Variants in NREP observed in about 807,000 individuals in gnomAD.
The protein encoded by NREP is neuronal regeneration related protein.
NREP carries 5 observed loss-of-function variants against 8.6 expected under a neutral mutation model. That is an observed-to-expected ratio of 0.58 (90% CI 0.30 to 1.22). NREP has a LOEUF of 1.22. Ranked by LOEUF, NREP falls within the 50% of genes most tolerant of loss-of-function variation. The probability of loss-of-function intolerance (pLI) is 0.07; values close to 1 mark genes in which losing one functional copy is unlikely to be tolerated. For missense variants in NREP, 86 were observed against 82.5 expected, an observed-to-expected ratio of 1.04 and a Z score of -0.17; for synonymous variants, 27 against 28.0, an observed-to-expected ratio of 0.96 and a Z score of 0.11.
At chr5:111,975,389 G>A (rs1343809617) in intron 1 of NREP, 2 of 1,548,514 alleles carry the variant, frequency 1.3e-6, no homozygotes, top group South Asian at 2.4e-5. Flanking sequence ...CTGCAGACAA[G>A]ACACATGGTA....
intron 2 of NREP, among the ~76,000 whole-genome samples, chr5:111,971,629 C>T (rs1422600290): frequency 6.6e-6 from 1 of 152,134 alleles, no homozygotes; most frequent in Non-Finnish European, 1.5e-5. Context: ...GGGGAAAGAA[C>T]AGCCTCTTCA....
chr5:111,917,371 C>T (rs1755092164), intron 2 of NREP, among the ~76,000 whole-genome samples: 2 of 152,226 alleles, frequency 1.3e-5, no homozygotes, highest in South Asian at 2.1e-4. Flanking sequence ...AGGCCAGCAT[C>T]ATCCTGATAC....
intron 2 of NREP, among the ~76,000 whole-genome samples, chr5:111,779,547 C>T (rs73223663): frequency 0.035 from 5,395 of 152,170 alleles, 291 homozygotes; most frequent in African/African-American, 0.12. Flanking sequence ...CTATGAGAAC[C>T]AGGAGGAGAG....
rs142995995 is a variant in NREP at position 111,938,695 on chromosome 5, T to C, written c.135+36579A>G. 6.2e-4 allele frequency among the ~76,000 whole-genome samples: 95 copies of C among 152,110 alleles called. 1 individual carries two copies. The highest frequency in any genetic ancestry group is 2.3e-3 in the African/African-American group (95 of 41,504). On this transcript the variant is annotated intron_variant, in intron 2 of 3. Transcript: ENST00000395634. ...CAACCTCAAAGGCCTATTGTAAACT[T>C]TAAATGCCTTCGTACGTGTAAAGTA... is the stretch of plus-strand genomic sequence containing the variant.
chr5:111,862,609 A>G (rs1753574613), intron 2 of NREP, among the ~76,000 whole-genome samples: 1 of 152,124 alleles, frequency 6.6e-6, no homozygotes, highest in Non-Finnish European at 1.5e-5. Flanking sequence ...AATCTTTTAT[A>G]AATCATAGTC....
At chr5:111,956,983 A>ATAAG (rs1717201480) in intron 2 of NREP, among the ~76,000 whole-genome samples, 1 of 151,340 alleles carries the variant, frequency 6.6e-6, no homozygotes, top group Non-Finnish European at 1.5e-5. Flanking sequence ...AAATAAATAA[A>ATAAG]TAAATAAATA....
chr5:111,755,883 A>G, intron 1 of NREP, 53 bp from the exon 2 acceptor site: 1 of 1,601,546 alleles, frequency 6.2e-7, no homozygotes, highest in East Asian at 2.2e-5. Context: ...CAGGTCAGCA[A>G]ACGAAAAATG....
intron 2 of NREP, among the ~76,000 whole-genome samples, chr5:111,814,263 A>C (rs1456390888): frequency 1.3e-5 from 2 of 152,148 alleles, no homozygotes; most frequent in African/African-American, 4.8e-5. Context: ...ATGCAAAGAG[A>C]GTTAAGTCTC....
At chr5:111,974,244 G>C (rs1367896920) in intron 2 of NREP, 1 of 152,158 alleles carries the variant, frequency 6.6e-6, no homozygotes, top group East Asian at 1.9e-4. Context: ...ATTAATAGAG[G>C]TGGGCTTGCA....
At chr5:111,735,952 A>C (rs1749071951) in intron 2 of NREP, among the ~76,000 whole-genome samples, 1 of 152,228 alleles carries the variant, frequency 6.6e-6, no homozygotes, top group Non-Finnish European at 1.5e-5. Context: ...GCAGCAGCCC[A>C]GATTCTCTCC....
intron 2 of NREP, among the ~76,000 whole-genome samples, chr5:111,869,350 T>G (rs1296972181): frequency 6.6e-6 from 1 of 152,200 alleles, no homozygotes; most frequent in Non-Finnish European, 1.5e-5. Flanking sequence ...TAAGTGTTAT[T>G]TCAAATATAT....
At chr5:111,832,438 G>A (rs1303619538) in intron 2 of NREP, among the ~76,000 whole-genome samples, 1 of 152,158 alleles carries the variant, frequency 6.6e-6, no homozygotes, top group Non-Finnish European at 1.5e-5. Context: ...GTCTGATGAG[G>A]TGGGAGGATT....
chr5:111,939,397 T>G (rs2112613217), intron 2 of NREP, among the ~76,000 whole-genome samples: 1 of 152,152 alleles, frequency 6.6e-6, no homozygotes, highest in Middle Eastern at 3.4e-3. Context: ...TTAAAGATAC[T>G]TTAGAGCAAT....
intron 2 of NREP, among the ~76,000 whole-genome samples, chr5:111,737,868 T>C (rs1749284539): frequency 6.6e-6 from 1 of 152,180 alleles, no homozygotes; most frequent in Non-Finnish European, 1.5e-5. Context: ...GCTTTTTTTT[T>C]CACTATTAGG....
chr5:111,859,090 G>A (rs1180941094), intron 2 of NREP, among the ~76,000 whole-genome samples: 1 of 152,120 alleles, frequency 6.6e-6, no homozygotes, highest in African/African-American at 2.4e-5. Flanking sequence ...ACCATCAGCT[G>A]ACTTACATAA....
At chr5:111,921,790 C>G (rs554974348) in intron 2 of NREP, among the ~76,000 whole-genome samples, 1 of 152,028 alleles carries the variant, frequency 6.6e-6, no homozygotes, top group African/African-American at 2.4e-5. Flanking sequence ...GGGAGGGACC[C>G]GGAGGGAGGT....
At chr5:111,755,457 G>A in intron 2 of NREP, 2 of 347,414 alleles carry the variant, frequency 5.8e-6, no homozygotes, top group South Asian at 3.1e-5. Flanking sequence ...ACCTCCATGC[G>A]TGTCACAACA....
intron 2 of NREP, among the ~76,000 whole-genome samples, chr5:111,808,542 T>C (rs912411438): frequency 6.6e-6 from 1 of 152,258 alleles, no homozygotes; most frequent in Non-Finnish European, 1.5e-5. Flanking sequence ...TAAGAATAAC[T>C]AATAAGCAAT....
At chr5:111,858,905 A>G (rs1362957650) in intron 2 of NREP, among the ~76,000 whole-genome samples, 2 of 152,082 alleles carry the variant, frequency 1.3e-5, no homozygotes, top group Non-Finnish European at 2.9e-5. Context: ...TATCACAAAA[A>G]CCTTCAAATT....
Sources: allele counts gnomAD v4.1 joint callset (sites outside exome capture counted in the v4.1 genomes callset), GRCh38; gene constraint gnomAD v4.1.1; transcripts MANE v1.5; gene names NCBI Gene and HGNC (gene_info 2026-07-23, HGNC 2026-07-21).